The following NHS variants were observed in gnomAD, a reference collection of about 807,000 sequenced individuals.
NHS encodes the protein NHS actin remodeling regulator.
NHS carries 5 observed loss-of-function variants against 72.5 expected under a neutral mutation model. The observed-to-expected ratio is 0.07, with a 90% confidence interval of 0.04 to 0.14. The LOEUF is 0.14. Among genes scored for constraint, NHS ranks in the 10% least tolerant of loss-of-function variants. The pLI is 1.00. For synonymous variants in NHS, 464 were observed against 547.7 expected, an observed-to-expected ratio of 0.85 and a Z score of 2.13; for missense variants, 1,072 against 1,355.7, an observed-to-expected ratio of 0.79 and a Z score of 3.29.
intron 1 of NHS, among the ~76,000 whole-genome samples, chrX:17,482,201 C>T (rs1161719161): frequency 8.9e-6 from 1 of 112,014 alleles, no homozygotes; most frequent in African/African-American, 3.2e-5. Flanking sequence ...GCCAGGGGAG[C>T]TCCTGCAGTG....
chrX:17,482,235 G>A (rs1183981989), intron 1 of NHS, among the ~76,000 whole-genome samples: 1 of 111,915 alleles, frequency 8.9e-6, no homozygotes, highest in Non-Finnish European at 1.9e-5. Flanking sequence ...CAACTTTTGG[G>A]TGCCCACTCA....
At position 17,383,222 on chromosome X, in the gene NHS, A is replaced by T. The variant is rs187128322; in HGVS notation, c.565+6900A>T. Among the ~76,000 whole-genome samples the T allele has an allele frequency of 1.2e-4, 13 of 111,873 alleles. No homozygotes were observed. In the Admixed American group the frequency reaches 1.2e-3, roughly 11 times the overall value. On this transcript the variant is annotated intron_variant, in intron 1 of 8. Transcript: ENST00000676302. ...GTACTTGCAGTCATAGGGTCTACTT[A>T]TGGGGGAACTGCAACCAAGACAATC...
In NHS at chrX:17,533,006, G is replaced by A. The variant is rs753984490; in HGVS notation, c.566-154736G>A. Among the ~76,000 whole-genome samples, 8 of 112,071 alleles carry A rather than the reference G, an allele frequency of 7.1e-5. No homozygotes were observed. The East Asian group carries it at 1.7e-3, about 24-fold the overall frequency. On this transcript the variant is annotated intron_variant, in intron 1 of 8. Transcript: ENST00000676302. ...GATGCTGAATCTATTGTTATGATGA[G>A]TATTAGCTCTGCAGAGCAGGGCCTA...
At chrX:17,510,481 G>C (rs771779094) in intron 1 of NHS, among the ~76,000 whole-genome samples, 22 of 112,430 alleles carry the variant, frequency 2.0e-4, no homozygotes, top group African/African-American at 7.1e-4. Context: ...GATGATTTCA[G>C]TGTGAACCAC....
At chrX:17,618,523 T>C (rs1313718407) in intron 1 of NHS, among the ~76,000 whole-genome samples, 1 of 112,408 alleles carries the variant, frequency 8.9e-6, no homozygotes, top group East Asian at 2.8e-4. Context: ...CTGGGTTTTT[T>C]CAATGGGTAA....
chrX:17,646,629 T>C, intron 1 of NHS, among the ~76,000 whole-genome samples: 1 of 112,082 alleles, frequency 8.9e-6, no homozygotes, highest in East Asian at 2.8e-4. Context: ...CTTAATCCAC[T>C]GTCCTAGGCA....
At chrX:17,426,539 A>G (rs1490013674) in intron 1 of NHS, among the ~76,000 whole-genome samples, 1 of 112,079 alleles carries the variant, frequency 8.9e-6, no homozygotes, top group African/African-American at 3.2e-5. Context: ...CCTCTTCACT[A>G]TAATAAAAGT....
At chrX:17,616,662 C>T (rs1435042113) in intron 1 of NHS, among the ~76,000 whole-genome samples, 6 of 112,404 alleles carry the variant, frequency 5.3e-5, no homozygotes, top group African/African-American at 1.9e-4. Flanking sequence ...GCTTAATTTT[C>T]ATCAGAAATA....
At chrX:17,594,738 C>T (rs1322632852) in intron 1 of NHS, among the ~76,000 whole-genome samples, 2 of 112,789 alleles carry the variant, frequency 1.8e-5, no homozygotes, top group Non-Finnish European at 3.8e-5. Context: ...AGAGCGTCCT[C>T]TCAGAAGGGG....
intron 1 of NHS, among the ~76,000 whole-genome samples, chrX:17,580,147 A>G (rs1460889212): frequency 9.2e-6 from 1 of 108,115 alleles, no homozygotes; most frequent in Non-Finnish European, 1.9e-5. Flanking sequence ...GATAGTCATT[A>G]TCCTGCCCCT....
intron 1 of NHS, among the ~76,000 whole-genome samples, chrX:17,657,262 G>A (rs2065961336): frequency 1.8e-5 from 2 of 112,958 alleles, no homozygotes; most frequent in Non-Finnish European, 3.8e-5. Flanking sequence ...GACTCAGCAG[G>A]CCCCGCCATG....
intron 1 of NHS, among the ~76,000 whole-genome samples, chrX:17,562,014 C>G (rs189154051): frequency 9.0e-6 from 1 of 110,726 alleles, no homozygotes; most frequent in African/African-American, 3.3e-5. Context: ...TGTTCTCACC[C>G]TTTTCCTTAG....
At chrX:17,684,071 G>GCA (rs2066145100) in intron 1 of NHS, among the ~76,000 whole-genome samples, 1 of 111,204 alleles carries the variant, frequency 9.0e-6, no homozygotes, top group Non-Finnish European at 1.9e-5. Context: ...ATAAAGGGGA[G>GCA]TTCCCCTGCA....
At chrX:17,703,201 G>T (rs960257183) in intron 3 of NHS, among the ~76,000 whole-genome samples, 2 of 111,829 alleles carry the variant, frequency 1.8e-5, no homozygotes, top group Non-Finnish European at 3.8e-5. Context: ...GGGAGGCTGA[G>T]GTGGAAGGAT....
intron 1 of NHS, among the ~76,000 whole-genome samples, chrX:17,534,335 T>G (rs750525685): frequency 3.6e-5 from 4 of 111,672 alleles, no homozygotes; most frequent in African/African-American, 1.3e-4. Flanking sequence ...TAGCGATGCC[T>G]GGGACATTGA....
At chrX:17,536,311 C>T (rs1184570371) in intron 1 of NHS, among the ~76,000 whole-genome samples, 7 of 112,331 alleles carry the variant, frequency 6.2e-5, no homozygotes, top group East Asian at 5.6e-4. Context: ...GCCGAGATCG[C>T]GCCACTGCAC....
chrX:17,481,450 C>T (rs2064945703), intron 1 of NHS, among the ~76,000 whole-genome samples: 1 of 111,542 alleles, frequency 9.0e-6, no homozygotes, highest in Non-Finnish European at 1.9e-5. Context: ...CTTTAACAGG[C>T]AGCCACAAAT....
At chrX:17,637,333 T>C (rs1324075431) in intron 1 of NHS, among the ~76,000 whole-genome samples, 1 of 111,918 alleles carries the variant, frequency 8.9e-6, no homozygotes, top group Non-Finnish European at 1.9e-5. Context: ...CGACCCAGTT[T>C]TCCCTCAAGA....
At chrX:17,657,463 C>T (rs1454633507) in intron 1 of NHS, among the ~76,000 whole-genome samples, 1 of 112,535 alleles carries the variant, frequency 8.9e-6, no homozygotes, top group Non-Finnish European at 1.9e-5. Context: ...GGCTTGACCC[C>T]GCTATTAGAG....
Sources: gnomAD v4.1 joint callset for allele counts (sites outside exome capture counted in the v4.1 genomes callset) on GRCh38, gnomAD v4.1.1 for gene constraint, MANE v1.5 for transcripts, NCBI Gene and HGNC (gene_info 2026-07-23, HGNC 2026-07-21) for gene names.